Variants in UIMC1 observed in about 807,000 individuals in gnomAD.
UIMC1 encodes the protein BRCA1-A complex subunit RAP80.
In UIMC1, 42 loss-of-function variants were observed where a neutral mutation model predicts 84.9. That is an observed-to-expected ratio of 0.49 (90% confidence interval 0.39 to 0.64). UIMC1 has a LOEUF of 0.64. Ranked by LOEUF, UIMC1 falls within the 30% of genes least tolerant of loss-of-function variation. The pLI, the probability that UIMC1 is intolerant of heterozygous loss-of-function variation, is 0.00. For synonymous variants in UIMC1, 281 were observed against 293.0 expected (o/e 0.96, Z 0.42); for missense variants, 825 against 847.6 (o/e 0.97, Z 0.33).
chr5:176,922,176 ATC>A (rs1335979316), intron 10 of UIMC1, among the ~76,000 whole-genome samples: 2 of 152,090 alleles, frequency 1.3e-5, no homozygotes, highest in East Asian at 1.9e-4. Flanking sequence ...TGTATTTATT[ATC>A]TGTTTCCCTC....
At chr5:176,912,937 G>C (rs1007240004) in intron 10 of UIMC1, among the ~76,000 whole-genome samples, 12 of 152,208 alleles carry the variant, frequency 7.9e-5, no homozygotes, top group African/African-American at 2.7e-4. Flanking sequence ...CAAAGTGCTG[G>C]GATTACAGGC....
rs752402448 is a variant in UIMC1, at chr5:176,975,385, T to C, written c.232+11A>G. The C allele has an allele frequency of 1.9e-6, 3 of 1,613,428 alleles. No homozygotes were observed. The highest frequency in any genetic ancestry group is 2.2e-5 in the South Asian group (2 of 91,032). On this transcript the variant is annotated intron_variant, in intron 3 of 14. Coordinates refer to ENST00000511320, the MANE Select transcript of UIMC1 (RefSeq NM_001199298.2). The stretch of plus-strand genomic sequence containing the variant: ...AATTCCCAAACCATTATCAACAAAA[T>C]GAAAACATACGTGCGATTTTTCTTT...
intron 6 of UIMC1, among the ~76,000 whole-genome samples, chr5:176,962,373 AG>A (rs1426258763): frequency 3.2e-5 from 1 of 31,496 alleles, no homozygotes; most frequent in Non-Finnish European, 5.7e-5. Flanking sequence ...CTGCCCGGCC[AG>A]CCGCCCCGTC....
intron 2 of UIMC1, among the ~76,000 whole-genome samples, chr5:176,979,277 T>C (rs1193165359): frequency 6.6e-6 from 1 of 152,198 alleles, no homozygotes; most frequent in African/African-American, 2.4e-5. Flanking sequence ...GTGGTAAAAC[T>C]GTAAGGAGAA....
rs1768712667 is a variant in UIMC1 at position 176,968,752 on chromosome 5, C to G, written c.1003G>C (p.Glu335Gln). 3 of 1,614,080 alleles carry G rather than the reference C, an allele frequency of 1.9e-6. No individual in the cohort carries two copies. The highest frequency in any genetic ancestry group is 1.3e-5 in the African/African-American group (1 of 74,916). The change falls in exon 6 of 15, where the codon GAA becomes CAA. Residue 335 changes from glutamate (E) to glutamine (Q), a missense_variant. Coordinates refer to ENST00000511320, the MANE Select transcript of UIMC1 (RefSeq NM_001199298.2). ...LPRPPSLIQN[E>Q]CGQGEQASEK... ...CTAGCCTGCTCTCCTTGGCCACATTCATTCTGGATCAGAGAAGGAGGTCTA... is the reference window on the plus strand; with the variant it reads ...CTAGCCTGCTCTCCTTGGCCACATTGATTCTGGATCAGAGAAGGAGGTCTA...
At position 176,907,187 on chromosome 5, in the gene UIMC1, A is replaced by AG; in HGVS notation, c.1849-11dup. 6.2e-7 allele frequency: 1 copy of AG among 1,611,890 alleles called. No homozygotes were observed. Among genetic ancestry groups the AG allele is most frequent in the Non-Finnish European group, 8.5e-7 (1 of 1,178,742 alleles). ...CACTGTGGCCTTTTTCCTGTAACAG[A>AG]GAAAAACAGATGAAAAGGTTACTTC... On this transcript the variant is annotated splice_polypyrimidine_tract_variant and intron_variant, in intron 12 of 14. Transcript: ENST00000511320.
At chr5:176,942,745 TAAAAAA>T (rs1044619072) in intron 10 of UIMC1, among the ~76,000 whole-genome samples, 6 of 76,136 alleles carry the variant, frequency 7.9e-5, no homozygotes, top group Non-Finnish European at 1.6e-4. Context: ...GACTCCGTCT[TAAAAAA>T]AAAAAAAAAA....
chr5:176,985,682 A>G (rs1041911580), intron 1 of UIMC1, among the ~76,000 whole-genome samples: 2 of 152,050 alleles, frequency 1.3e-5, no homozygotes, highest in African/African-American at 4.8e-5. Flanking sequence ...GTAGCTCACC[A>G]CAGCCTCATC....
chr5:176,938,769 T>C (rs1012334968), intron 10 of UIMC1, among the ~76,000 whole-genome samples: 3 of 152,228 alleles, frequency 2.0e-5, no homozygotes, highest in Non-Finnish European at 4.4e-5. Flanking sequence ...CTCATCCTTA[T>C]TCACTGCAGC....
At chr5:176,977,636 G>A (rs1376643046) in intron 2 of UIMC1, among the ~76,000 whole-genome samples, 5 of 147,918 alleles carry the variant, frequency 3.4e-5, no homozygotes, top group Admixed American at 6.8e-5. Flanking sequence ...AAGGCCAGGC[G>A]CAGTGGCTCA....
At chr5:176,911,108 GAGAGA>G (rs1561711961) in intron 11 of UIMC1, among the ~76,000 whole-genome samples, 198 bp downstream of exon 11, 2 of 111,324 alleles carry the variant, frequency 1.8e-5, no homozygotes, top group East Asian at 2.3e-4. Flanking sequence ...AAAAGAGAGA[GAGAGA>G]AGAAAAGAAA....
chr5:176,961,895 G>C (rs1296943733), intron 6 of UIMC1, among the ~76,000 whole-genome samples: 7 of 64,240 alleles, frequency 1.1e-4, no homozygotes, highest in African/African-American at 4.6e-4. Context: ...AGGGAGGTGG[G>C]GGGATCGGCC....
chr5:176,968,187 C>T (rs994608399), intron 6 of UIMC1, among the ~76,000 whole-genome samples: 1 of 152,238 alleles, frequency 6.6e-6, no homozygotes, highest in East Asian at 1.9e-4. Context: ...GCCTAGCCAA[C>T]AGGGTAAAAC....
At chr5:176,981,717 G>A (rs1432988499) in intron 2 of UIMC1, among the ~76,000 whole-genome samples, 1 of 152,012 alleles carries the variant, frequency 6.6e-6, no homozygotes, top group East Asian at 1.9e-4. Flanking sequence ...GGGACCAGGA[G>A]AAGGAAGGTG....
In UIMC1 at chr5:176,969,662, C is replaced by T. The variant is rs1230142930; in HGVS notation, c.402G>A (p.Leu134=). The T allele has an allele frequency of 3.1e-6, 5 of 1,613,890 alleles. No homozygotes were observed. Among genetic ancestry groups the T allele is most frequent in the Non-Finnish European group, 4.2e-6 (5 of 1,180,024 alleles). Residue 134 remains leucine (L), a synonymous_variant, in exon 5 of 15, where the codon CTG becomes CTA. Coordinates refer to ENST00000511320, the MANE Select transcript of UIMC1 (RefSeq NM_001199298.2). ...SDASATRSRP[L]ATGPSSQSHQ... ...GGGACTGGGAAGACGGTCCAGTGGC[C>T]AGAGGTCGAGATCTGGTAGCGGAAG... is the stretch of plus-strand genomic sequence containing the variant.
At chr5:176,968,329 C>T (rs975253645) in intron 6 of UIMC1, among the ~76,000 whole-genome samples, 4 of 151,476 alleles carry the variant, frequency 2.6e-5, no homozygotes, top group African/African-American at 4.9e-5. Context: ...CCGAAGATTG[C>T]GCCATTGCAC....
chr5:176,939,578 A>G (rs974694483), intron 10 of UIMC1, among the ~76,000 whole-genome samples: 1 of 152,218 alleles, frequency 6.6e-6, no homozygotes, highest in African/African-American at 2.4e-5. Flanking sequence ...CACACTGTAC[A>G]GGTTTGTAGC....
rs375740106 is a variant in UIMC1 at position 177,021,915 on chromosome 5, G to A, written c.-9+549C>T. On this transcript the variant is annotated intron_variant, in intron 1 of 5. Coordinates refer to the UIMC1 transcript ENST00000509236. ...ATCCGCCCCCCCTTAGCCTCCCAAA[G>A]TGCTGGGATTACAGGCGTGAGCCAC... Among the ~76,000 whole-genome samples, 10 of 152,280 alleles carry A rather than the reference G, an allele frequency of 6.6e-5. No homozygotes were observed. The East Asian group carries it at 1.2e-3, about 18-fold the overall frequency.
At chr5:176,910,197 T>G (rs979323337) in intron 11 of UIMC1, among the ~76,000 whole-genome samples, 6 of 152,218 alleles carry the variant, frequency 3.9e-5, no homozygotes, top group South Asian at 4.1e-4. Flanking sequence ...TACATTACAG[T>G]AAGATTCCAA....
Sources: gnomAD v4.1 joint callset for allele counts (sites outside exome capture counted in the v4.1 genomes callset) on GRCh38, gnomAD v4.1.1 for gene constraint, MANE v1.5 for transcripts, NCBI Gene and HGNC (gene_info 2026-07-23, HGNC 2026-07-21) for gene names.